Variants in STARD9 observed in about 807,000 individuals in gnomAD.
STARD9 encodes stAR-related lipid transfer protein 9.
Under a neutral mutation model 399.8 loss-of-function variants are expected in STARD9, and 346 were observed. The ratio of observed to expected loss-of-function variants is 0.87; its 90% CI spans 0.79 to 0.95. The LOEUF (loss-of-function observed/expected upper bound fraction) is 0.95. STARD9 is among the 40% of genes least tolerant of loss of function. The pLI is 0.00. For missense variants in STARD9, 5,832 were observed against 5,667.5 expected, an observed-to-expected ratio of 1.03 and a Z score of -0.93; for synonymous variants, 2,203 against 2,143.5, an observed-to-expected ratio of 1.03 and a Z score of -0.77.
Position 42,685,978 on chromosome 15 carries a change from C to T in STARD9, c.4400C>T (p.Ala1467Val). The T allele has an allele frequency of 6.5e-7, 1 of 1,537,266 alleles. No individual in the cohort carries two copies. Among genetic ancestry groups the T allele is most frequent in the East Asian group, 2.4e-5 (1 of 40,918 alleles). Residue 1467 changes from alanine (A) to valine (V), a missense_variant, in exon 23 of 33, where the codon GCT becomes GTT. By Grantham distance (64) the Ala-to-Val change is moderately conservative (BLOSUM62 0). Around this residue, in one of 2 missense-constraint regions of STARD9, gnomAD observed 5,828 missense variants for 5,651.1 expected, o/e 1.03. Coordinates refer to ENST00000290607, the MANE Select transcript of STARD9 (RefSeq NM_020759.3). ...AATTCTAGCGTATCAAACGTGCTGG[C>T]TGCCTCTGCCACCACCTTGACTCAT... is the stretch of plus-strand genomic sequence containing the variant. ...SHNSSVSNVL[A>V]ASATTLTHVG...
At chr15:42,676,218 C>T (rs990799660) in intron 20 of STARD9, among the ~76,000 whole-genome samples, 11 of 152,152 alleles carry the variant, frequency 7.2e-5, no homozygotes, top group Non-Finnish European at 1.6e-4. Context: ...CTTTTTTCAT[C>T]ACTGAAAGAG....
At chr15:42,652,456 G>A in intron 8 of STARD9, 64 bp from the exon 9 acceptor site, 1 of 1,338,906 alleles carries the variant, frequency 7.5e-7, no homozygotes, top group Non-Finnish European at 1.0e-6. Flanking sequence ...ATTCTGTATG[G>A]ATCCTTAAGA....
intron 25 of STARD9, 139 bp from the exon 26 acceptor site, chr15:42,695,604 A>G: frequency 1.0e-6 from 1 of 991,598 alleles, no homozygotes; most frequent in Non-Finnish European, 1.4e-6. Flanking sequence ...ATGTGAGGCT[A>G]AGTCAGGGAG....
chr15:42,615,725 AAAG>A (rs1203301922), intron 3 of STARD9, among the ~76,000 whole-genome samples: 4 of 151,902 alleles, frequency 2.6e-5, no homozygotes, highest in South Asian at 2.1e-4. Flanking sequence ...TAAAAAAAAA[AAAG>A]GAGATAAAGC....
At chr15:42,719,017 T>TTGGCC in intron 32 of STARD9, 107 bp downstream of exon 32, 1 of 1,051,766 alleles carries the variant, frequency 9.5e-7, no homozygotes, top group Non-Finnish European at 1.4e-6. Context: ...CCCAGGCCCT[T>TTGGCC]TGGCCTGAGA....
At chr15:42,620,305 A>G (rs1488349292) in intron 3 of STARD9, among the ~76,000 whole-genome samples, 1 of 150,536 alleles carries the variant, frequency 6.6e-6, no homozygotes, top group African/African-American at 2.4e-5. Context: ...TTTTTCCGAG[A>G]CTATGTCTCT....
chr15:42,591,775 A>AG (rs1451099947), intron 3 of STARD9, among the ~76,000 whole-genome samples: 1 of 152,246 alleles, frequency 6.6e-6, no homozygotes, highest in East Asian at 1.9e-4. Flanking sequence ...GTCACCAACT[A>AG]GGGACTACTA....
chr15:42,663,582 G>T, intron 12 of STARD9, 92 bp downstream of exon 12: 1 of 633,214 alleles, frequency 1.6e-6, no homozygotes, highest in Non-Finnish European at 2.8e-6. Context: ...TGCCAGAGCT[G>T]GATCTGTGTT....
At chr15:42,641,147 A>T (rs556256885) in intron 7 of STARD9, among the ~76,000 whole-genome samples, 1 of 152,182 alleles carries the variant, frequency 6.6e-6, no homozygotes, top group South Asian at 2.1e-4. Context: ...CATGTGTCCA[A>T]TGTCAATGAC....
At chr15:42,597,407 A>T (rs2058528112) in intron 3 of STARD9, among the ~76,000 whole-genome samples, 1 of 151,852 alleles carries the variant, frequency 6.6e-6, no homozygotes, top group African/African-American at 2.4e-5. Context: ...TCGCTGTGTC[A>T]CCCAGGCTGG....
chr15:42,645,384 C>T (rs1380230763), intron 7 of STARD9, among the ~76,000 whole-genome samples: 1 of 152,120 alleles, frequency 6.6e-6, no homozygotes, highest in East Asian at 1.9e-4. Flanking sequence ...CCATCAGAGC[C>T]CTTGGGTGAC....
At chr15:42,667,005 G>A (rs1040399510) in intron 15 of STARD9, among the ~76,000 whole-genome samples, 33 of 151,890 alleles carry the variant, frequency 2.2e-4, no homozygotes, top group African/African-American at 7.7e-4. Flanking sequence ...AGTAGAGACG[G>A]GGTTTCACCA....
Position 42,698,532 on chromosome 15 carries a change from T to G in STARD9, c.13284+2652T>G, listed in dbSNP as rs184122994. The stretch of plus-strand genomic sequence containing the variant: ...TTTCTCTTACCAATTTGGAGAGTTC[T>G]TTATATTTTAGTAAGAATAGCCGTT... On this transcript the variant is annotated intron_variant, in intron 26 of 32. Coordinates refer to ENST00000290607, the MANE Select transcript of STARD9 (RefSeq NM_020759.3). 1.1e-3 allele frequency among the ~76,000 whole-genome samples: 172 copies of G among 152,320 alleles called. 1 individual carries two copies. Among genetic ancestry groups the G allele is most frequent in the African/African-American group, 4.0e-3 (165 of 41,572 alleles).
intron 3 of STARD9, among the ~76,000 whole-genome samples, chr15:42,600,814 A>G (rs573956456): frequency 6.7e-6 from 1 of 150,222 alleles, no homozygotes; most frequent in South Asian, 2.1e-4. Context: ...CATGAGCCAC[A>G]GTGCCAGCCT....
chr15:42,634,393 C>T (rs752463235), intron 3 of STARD9, among the ~76,000 whole-genome samples: 1 of 152,172 alleles, frequency 6.6e-6, no homozygotes, highest in Non-Finnish European at 1.5e-5. Context: ...AAAATAAATG[C>T]ATGTGGAAAA....
intron 22 of STARD9, among the ~76,000 whole-genome samples, chr15:42,683,756 G>C (rs1425684745): frequency 6.6e-6 from 1 of 151,948 alleles, no homozygotes; most frequent in Non-Finnish European, 1.5e-5. Flanking sequence ...TCTTTTTATT[G>C]ATAATTATAG....
Position 42,689,855 on chromosome 15 carries a change from G to C in STARD9, c.8277G>C (p.Glu2759Asp). 2 of 1,537,372 alleles carry C rather than the reference G, an allele frequency of 1.3e-6. No individual in the cohort carries two copies. Among genetic ancestry groups the C allele is most frequent in the Non-Finnish European group, 1.7e-6 (2 of 1,146,954 alleles). Residue 2759 changes from glutamate to aspartate, a missense_variant, in exon 23 of 33, where the codon GAG becomes GAC. Physicochemically the swap from Glu to Asp is conservative, Grantham distance 45. Coordinates refer to ENST00000290607, the MANE Select transcript of STARD9 (RefSeq NM_020759.3). ...PYDDPRVTLHELSQSVPQETA... is the reference protein window; with the variant it reads ...PYDDPRVTLHDLSQSVPQETA... ...ATGATCCTAGAGTGACTCTGCATGA[G>C]CTAAGTCAGTCAGTTCCGCAGGAGA... is the stretch of plus-strand genomic sequence containing the variant.
chr15:42,687,282 A>C lies in STARD9; in HGVS notation c.5704A>C (p.Thr1902Pro). Residue 1902 changes from threonine to proline, a missense_variant, in exon 23 of 33, where the codon ACT becomes CCT. Coordinates refer to ENST00000290607, the MANE Select transcript of STARD9 (RefSeq NM_020759.3). ...CTGTTGCGGTGCTTCCTCAGACAGC[A>C]CTGAGTCTGGGAAGTCTCTCCTCTT... Reference protein sequence around the residue: ...QSCCGASSDSTESGKSLLFRE... With the variant: ...QSCCGASSDSPESGKSLLFRE... 1 of 1,536,872 alleles carries C rather than the reference A, an allele frequency of 6.5e-7. No homozygotes were observed. Among genetic ancestry groups the C allele is most frequent in the Non-Finnish European group, 8.7e-7 (1 of 1,146,900 alleles).
chr15:42,694,684 A>G lies in STARD9; in HGVS notation c.12921A>G (p.Glu4307=). Residue 4307 remains glutamate, a synonymous_variant, in exon 24 of 33, where the codon GAA becomes GAG. Coordinates refer to ENST00000290607, the MANE Select transcript of STARD9 (RefSeq NM_020759.3). ...WDLDLPSRRR[E]YLQQLRKDVV... ...TTGACTTGCCCAGCAGACGCCGAGAATACCTGCAGCAACTGAGGAAGGATG... is the reference window on the plus strand; with the variant it reads ...TTGACTTGCCCAGCAGACGCCGAGAGTACCTGCAGCAACTGAGGAAGGATG... 3 of 1,537,164 alleles carry G rather than the reference A, an allele frequency of 2.0e-6. No homozygotes were observed. Among genetic ancestry groups the G allele is most frequent in the Non-Finnish European group, 2.6e-6 (3 of 1,146,888 alleles).
Sources: allele counts gnomAD v4.1 joint callset (sites outside exome capture counted in the v4.1 genomes callset), GRCh38; gene constraint gnomAD v4.1.1; regional missense constraint gnomAD v4.1.1; transcripts MANE v1.5; gene names NCBI Gene and HGNC (gene_info 2026-07-23, HGNC 2026-07-21).